MMP16: variants seen among roughly 807,000 people sequenced by gnomAD.
MMP16 encodes matrix metalloproteinase-16.
In MMP16, 12 loss-of-function variants were observed where a neutral mutation model predicts 67.8. That is an observed-to-expected ratio of 0.18 (90% CI 0.11 to 0.29). The LOEUF (loss-of-function observed/expected upper bound fraction) is 0.29, where lower values mean the gene tolerates loss of function less well. MMP16 is among the 10% of genes least tolerant of loss of function. MMP16 has a pLI of 1.00. For synonymous variants in MMP16, 249 were observed against 255.9 expected, an observed-to-expected ratio of 0.97 and a Z score of 0.26; for missense variants, 475 against 765.7, an observed-to-expected ratio of 0.62 and a Z score of 4.48.
chr8:88,156,632 TA>T (rs1341980154), intron 4 of MMP16, among the ~76,000 whole-genome samples: 1 of 152,008 alleles, frequency 6.6e-6, no homozygotes, highest in African/African-American at 2.4e-5. Flanking sequence ...AAAACTAAAG[TA>T]AAAAGCTGTT....
At chr8:88,118,351 T>C (rs1809473882) in intron 5 of MMP16, among the ~76,000 whole-genome samples, 1 of 151,034 alleles carries the variant, frequency 6.6e-6, no homozygotes, top group Admixed American at 6.7e-5. Context: ...GAAAGTCTTA[T>C]ATTTTTCCTT....
chr8:88,093,524 C>T (rs1026476579), intron 6 of MMP16, among the ~76,000 whole-genome samples: 5 of 151,692 alleles, frequency 3.3e-5, no homozygotes, highest in African/African-American at 1.2e-4. Flanking sequence ...AATGAACTGG[C>T]CAGCCACCTT....
chr8:88,087,003 G>A (rs1233108807), intron 6 of MMP16, among the ~76,000 whole-genome samples: 3 of 151,768 alleles, frequency 2.0e-5, no homozygotes, highest in Non-Finnish European at 1.5e-5. Flanking sequence ...CAAATCTTTT[G>A]CTTGGCCAGG....
chr8:88,056,776 T>C (rs1366107498), intron 7 of MMP16, among the ~76,000 whole-genome samples: 1 of 152,166 alleles, frequency 6.6e-6, no homozygotes, highest in Non-Finnish European at 1.5e-5. Flanking sequence ...GTCTCCCTAG[T>C]CTTATACATT....
chr8:88,097,036 T>C (rs1809040283), intron 6 of MMP16, among the ~76,000 whole-genome samples: 1 of 151,926 alleles, frequency 6.6e-6, no homozygotes. Context: ...GTTTTAGTTC[T>C]ACCTCTGCAC....
At chr8:88,239,227 G>A (rs11987009) in intron 1 of MMP16, among the ~76,000 whole-genome samples, 4,857 of 144,272 alleles carry the variant, frequency 0.034, 253 homozygotes, top group African/African-American at 0.12. Flanking sequence ...CCCAGGAAAC[G>A]GAGGTTGCAG....
chr8:88,050,366 A>C (rs1347316526), intron 8 of MMP16, among the ~76,000 whole-genome samples: 2 of 152,184 alleles, frequency 1.3e-5, no homozygotes, highest in Middle Eastern at 3.2e-3. Context: ...TAAAATCCTG[A>C]GGACAATGGG....
chr8:88,275,251 A>G (rs1810628228), intron 1 of MMP16, among the ~76,000 whole-genome samples: 1 of 152,018 alleles, frequency 6.6e-6, no homozygotes, highest in African/African-American at 2.4e-5. Context: ...TTACAAATTT[A>G]AAAAGAACAT....
chr8:88,295,253 T>C (rs1415407377), intron 1 of MMP16, among the ~76,000 whole-genome samples: 2 of 152,210 alleles, frequency 1.3e-5, no homozygotes, highest in African/African-American at 2.4e-5. Flanking sequence ...TCTCCTCTTA[T>C]TTAGAAGAAA....
chr8:88,273,041 A>G (rs1810590857), intron 1 of MMP16, among the ~76,000 whole-genome samples: 1 of 152,112 alleles, frequency 6.6e-6, no homozygotes, highest in African/African-American at 2.4e-5. Flanking sequence ...AAAAGAAAAA[A>G]AAAAAGGTAT....
chr8:88,102,723 C>T (rs544483821), intron 6 of MMP16, among the ~76,000 whole-genome samples: 62 of 151,660 alleles, frequency 4.1e-4, no homozygotes, highest in Non-Finnish European at 7.7e-4. Flanking sequence ...TCAACTCATT[C>T]GCATAAAAAA....
chr8:88,180,669 G>A (rs550368658), intron 3 of MMP16, among the ~76,000 whole-genome samples: 23 of 151,910 alleles, frequency 1.5e-4, no homozygotes, highest in Non-Finnish European at 3.1e-4. Context: ...AAATGCATGA[G>A]GCACTATTAT....
At chr8:88,294,986 T>G (rs1036957643) in intron 1 of MMP16, among the ~76,000 whole-genome samples, 1 of 152,214 alleles carries the variant, frequency 6.6e-6, no homozygotes, top group African/African-American at 2.4e-5. Flanking sequence ...GTGCTGGCAT[T>G]ACAGGCATGA....
intron 1 of MMP16, among the ~76,000 whole-genome samples, chr8:88,298,881 C>G (rs1044693833): frequency 6.6e-6 from 1 of 151,518 alleles, no homozygotes; most frequent in East Asian, 1.9e-4. Flanking sequence ...ATTTCAATAC[C>G]TGGTTATAAT....
chr8:88,197,358 A>G, intron 1 of MMP16, 52 bp from the exon 2 acceptor site: 1 of 1,445,538 alleles, frequency 6.9e-7, no homozygotes, highest in Middle Eastern at 1.9e-4. Context: ...TTTAACAATA[A>G]TTTTCTGGTA....
intron 4 of MMP16, among the ~76,000 whole-genome samples, chr8:88,126,360 C>T (rs919950067): frequency 6.6e-6 from 1 of 151,716 alleles, no homozygotes; most frequent in African/African-American, 2.4e-5. Flanking sequence ...ACTTCTTCCC[C>T]AAAACATGAA....
intron 3 of MMP16, among the ~76,000 whole-genome samples, chr8:88,182,785 T>A (rs1243962191): frequency 6.6e-6 from 1 of 151,754 alleles, no homozygotes; most frequent in South Asian, 2.1e-4. Flanking sequence ...TCTTCATAAT[T>A]TCCCCAAACT....
chr8:88,043,559 C>T (rs1808160674), intron 9 of MMP16, among the ~76,000 whole-genome samples: 1 of 152,084 alleles, frequency 6.6e-6, no homozygotes, highest in Admixed American at 6.6e-5. Flanking sequence ...GGTTAAACAT[C>T]CAAGGGTGTG....
At chr8:88,283,789 T>C (rs1046350319) in intron 1 of MMP16, among the ~76,000 whole-genome samples, 5 of 152,216 alleles carry the variant, frequency 3.3e-5, no homozygotes. Flanking sequence ...TTTACTCATA[T>C]TCCCATAAAT....
Sources: gnomAD v4.1 joint callset for allele counts (sites outside exome capture counted in the v4.1 genomes callset) on GRCh38, gnomAD v4.1.1 for gene constraint, MANE v1.5 for transcripts, NCBI Gene and HGNC (gene_info 2026-07-23, HGNC 2026-07-21) for gene names.